THSD4: variants seen among roughly 807,000 people sequenced by gnomAD.
THSD4 encodes thrombospondin type 1 domain containing 4.
Under a neutral mutation model 119.0 loss-of-function variants are expected in THSD4, and 69 were observed. The ratio of observed to expected loss-of-function variants is 0.58; its 90% CI spans 0.48 to 0.71. The LOEUF is 0.71. Ranked by LOEUF, THSD4 falls within the 30% of genes least tolerant of loss-of-function variation. The pLI is 0.00. For synonymous variants in THSD4, 524 were observed against 540.4 expected (o/e 0.97, Z 0.42); for missense variants, 1,393 against 1,391.1 (o/e 1.00, Z -0.02).
At chr15:71,459,356 CTCTCTCTG>C (rs1276676831) in intron 7 of THSD4, among the ~76,000 whole-genome samples, 1,702 of 140,440 alleles carry the variant, frequency 0.012, 32 homozygotes, top group African/African-American at 0.042. Flanking sequence ...GTCTCTCTCT[CTCTCTCTG>C]TCTCTCTGTC....
At chr15:71,130,096 C>A (rs1321201883) in intron 1 of THSD4, among the ~76,000 whole-genome samples, 1 of 152,168 alleles carries the variant, frequency 6.6e-6, no homozygotes, top group East Asian at 1.9e-4. Context: ...CAGGCTGCAG[C>A]CTGCATGCTG....
chr15:71,282,420 G>GA (rs1461610593), intron 6 of THSD4, among the ~76,000 whole-genome samples: 2 of 112,046 alleles, frequency 1.8e-5, no homozygotes, highest in Non-Finnish European at 4.0e-5. Context: ...GAAGAAATAG[G>GA]AAAAAAGAAG....
At chr15:71,204,740 C>A (rs779460562) in intron 3 of THSD4, among the ~76,000 whole-genome samples, 1 of 152,144 alleles carries the variant, frequency 6.6e-6, no homozygotes, top group Non-Finnish European at 1.5e-5. Context: ...TGCTGTTATA[C>A]CTCTTTTATT....
In THSD4 at chr15:71,239,391, A is replaced by G. The variant is rs184818965; in HGVS notation, c.465-3258A>G. Among the ~76,000 whole-genome samples, 32 of 152,248 alleles carry G rather than the reference A, an allele frequency of 2.1e-4. 1 individual carries two copies. In the East Asian group the frequency reaches 6.2e-3, roughly 29 times the overall value. On this transcript the variant is annotated intron_variant, in intron 4 of 17. Transcript: ENST00000261862. ...TCTTAATCCTGGTCCTGTTTGAAGA[A>G]ACTGAGGCATACAAAGATTGGGTAA...
chr15:71,172,727 A>ATATATATATATATATG (rs2043392010), intron 3 of THSD4, among the ~76,000 whole-genome samples: 1 of 105,078 alleles, frequency 9.5e-6, no homozygotes, highest in East Asian at 2.6e-4. Flanking sequence ...ATATATATAT[A>ATATATATATATATATG]TATATATGTG....
intron 14 of THSD4, among the ~76,000 whole-genome samples, chr15:71,749,737 T>TTTATTTATTTG (rs1272403460): frequency 4.4e-5 from 1 of 22,642 alleles, no homozygotes; most frequent in East Asian, 2.0e-3. Context: ...TTATTTATTT[T>TTTATTTATTTG]GAGACCGGGT....
intron 7 of THSD4, among the ~76,000 whole-genome samples, chr15:71,585,515 T>C (rs1281550151): frequency 6.6e-6 from 1 of 152,226 alleles, no homozygotes; most frequent in Admixed American, 6.5e-5. Flanking sequence ...TCTCTCTTTG[T>C]ATTTGACTTT....
chr15:71,383,511 C>T, intron 6 of THSD4, among the ~76,000 whole-genome samples: 1 of 152,158 alleles, frequency 6.6e-6, no homozygotes, highest in East Asian at 1.9e-4. Flanking sequence ...AAATTTAAAC[C>T]AGTGTCTTTT....
intron 6 of THSD4, among the ~76,000 whole-genome samples, chr15:71,263,318 A>G (rs1304316871): frequency 4.5e-5 from 4 of 89,730 alleles, no homozygotes; most frequent in Non-Finnish European, 6.9e-5. Flanking sequence ...TTATGGCTGC[A>G]TAGTATTCCA....
chr15:71,405,052 C>G (rs2046587550), intron 6 of THSD4, among the ~76,000 whole-genome samples: 1 of 152,056 alleles, frequency 6.6e-6, no homozygotes, highest in African/African-American at 2.4e-5. Flanking sequence ...CCATGCCTGG[C>G]TAATTTTTGT....
intron 3 of THSD4, chr15:71,165,546 C>T (rs1245240617): frequency 4.3e-6 from 3 of 704,498 alleles, no homozygotes; most frequent in East Asian, 5.1e-5. Flanking sequence ...TATGGATTAA[C>T]TTTCATAGCA....
At chr15:71,567,806 T>C (rs1204862621) in intron 7 of THSD4, among the ~76,000 whole-genome samples, 4 of 152,052 alleles carry the variant, frequency 2.6e-5, no homozygotes, top group Non-Finnish European at 5.9e-5. Flanking sequence ...TGTAGGTGTG[T>C]GTGGGTGTGT....
In THSD4 at chr15:71,322,868, G is replaced by C. The variant is rs533870989; in HGVS notation, c.1015+66153G>C. Among the ~76,000 whole-genome samples the C allele has an allele frequency of 4.6e-5, 7 of 152,162 alleles. No individual in the cohort carries two copies. The East Asian group carries it at 1.2e-3, about 25-fold the overall frequency. On this transcript the variant is annotated intron_variant, in intron 6 of 17. Transcript: ENST00000261862. ...ATCCCAGCACCTAAAAGGCTTAGGT[G>C]GGGGGATCACTTGAGCCCAGGAGTT...
At chr15:71,541,699 T>C (rs1431084584) in intron 7 of THSD4, among the ~76,000 whole-genome samples, 2 of 152,228 alleles carry the variant, frequency 1.3e-5, no homozygotes, top group South Asian at 4.1e-4. Context: ...TTAGTCTCTA[T>C]TGATGGGCAT....
chr15:71,650,587 A>C (rs1258405921), intron 7 of THSD4, among the ~76,000 whole-genome samples: 1 of 152,202 alleles, frequency 6.6e-6, no homozygotes, highest in African/African-American at 2.4e-5. Flanking sequence ...GCACAAGGCT[A>C]CTTGCACCAG....
At chr15:71,100,619 A>C (rs1027397292) in intron 1 of THSD4, among the ~76,000 whole-genome samples, 1 of 152,158 alleles carries the variant, frequency 6.6e-6, no homozygotes, top group Non-Finnish European at 1.5e-5. Flanking sequence ...GTTTGTGATA[A>C]TTTGTTACAT....
intron 6 of THSD4, among the ~76,000 whole-genome samples, chr15:71,390,849 C>CTTTTTT (rs1010882999): frequency 1.6e-3 from 147 of 90,882 alleles, no homozygotes; most frequent in Non-Finnish European, 1.8e-3. Flanking sequence ...TTGGCTAAAT[C>CTTTTTT]TTTTTTTTTT....
intron 10 of THSD4, among the ~76,000 whole-genome samples, chr15:71,734,805 T>TAA (rs1257319812): frequency 4.1e-5 from 4 of 96,632 alleles, no homozygotes; most frequent in African/African-American, 1.2e-4. Flanking sequence ...AAAACTGCTC[T>TAA]AAAAAAAAAA....
intron 6 of THSD4, among the ~76,000 whole-genome samples, chr15:71,294,069 C>A (rs978713978): frequency 2.0e-5 from 3 of 152,196 alleles, no homozygotes; most frequent in Non-Finnish European, 4.4e-5. Flanking sequence ...CATTTCCCTT[C>A]TAGCTCCTTC....
Sources: gnomAD v4.1 joint callset for allele counts (sites outside exome capture counted in the v4.1 genomes callset) on GRCh38, gnomAD v4.1.1 for gene constraint, MANE v1.5 for transcripts, NCBI Gene and HGNC (gene_info 2026-07-23, HGNC 2026-07-21) for gene names.